The following PABPC1 variants were observed in gnomAD, a reference collection of about 807,000 sequenced individuals.
The protein encoded by PABPC1 is poly(A) binding protein cytoplasmic 1.
A neutral mutation model predicts 74.0 loss-of-function variants in PABPC1; 4 were observed. The observed-to-expected ratio is 0.05, with a 90% CI of 0.03 to 0.12. The LOEUF (loss-of-function observed/expected upper bound fraction) is 0.12. Among genes scored for constraint, PABPC1 ranks in the 10% least tolerant of loss-of-function variants. PABPC1 has a pLI of 1.00. For missense variants in PABPC1, 271 were observed against 821.1 expected, an observed-to-expected ratio of 0.33 and a Z score of 8.19; for synonymous variants, 227 against 264.1, an observed-to-expected ratio of 0.86 and a Z score of 1.36.
In PABPC1 at chr8:100,704,409, G is replaced by A. The variant is rs369570456; in HGVS notation, c.1819-19C>T. The A allele has an allele frequency of 6.3e-6, 10 of 1,583,936 alleles. No individual in the cohort carries two copies. The highest frequency in any genetic ancestry group is 1.3e-5 in the African/African-American group (1 of 74,276). ...CATCAACCTAAAAAAGGGGAAAACA[G>A]ATAAACTGGTTCAGGAAAGGAATGG... is the stretch of plus-strand genomic sequence containing the variant. On this transcript the variant is annotated intron_variant, in intron 13 of 14. Coordinates refer to ENST00000318607, the MANE Select transcript of PABPC1 (RefSeq NM_002568.4).
rs778812386 is a variant in PABPC1, at chr8:100,721,573, C to T, written c.11G>A (p.Ser4Asn). 204 of 1,579,226 alleles carry T rather than the reference C, an allele frequency of 1.3e-4. 1 individual carries two copies. The highest frequency in any genetic ancestry group is 1.7e-4 in the Non-Finnish European group (194 of 1,158,348). Residue 4 changes from serine to asparagine, a missense_variant, in exon 1 of 15, where the codon AGT becomes AAT. Transcript: ENST00000318607. The surrounding 1 kb of genome is among the most constrained non-coding windows in gnomAD (Gnocchi z 7.4). Reference protein sequence around the residue: MNPSAPSYPMASLY... With the variant: MNPNAPSYPMASLY... ...CGAGGCCATGGGGTAGCTGGGGGCA[C>T]TGGGGTTCATCTCGGCACGGCTGCC...
chr8:100,709,432 T>C (rs373990151), intron 8 of PABPC1, 27 bp downstream of exon 8: 9 of 1,588,632 alleles, frequency 5.7e-6, no homozygotes, highest in South Asian at 1.1e-5. Context: ...AAAACCTTCA[T>C]GGTTCTGGTT....
chr8:100,710,759 G>A (rs1266653759), intron 7 of PABPC1, among the ~76,000 whole-genome samples: 3 of 151,956 alleles, frequency 2.0e-5, no homozygotes, highest in Non-Finnish European at 4.4e-5. Context: ...GGCCAAGGCG[G>A]GTGGATCACC....
At chr8:100,715,169 C>A (rs959003961) in intron 4 of PABPC1, among the ~76,000 whole-genome samples, 1 of 141,828 alleles carries the variant, frequency 7.1e-6, no homozygotes, top group Non-Finnish European at 1.5e-5. Flanking sequence ...ATATATATCT[C>A]CAGCCTCTTA....
At chr8:100,715,712 A>T in intron 3 of PABPC1, 111 bp from the exon 4 acceptor site, 1 of 675,192 alleles carries the variant, frequency 1.5e-6, no homozygotes. Context: ...AGAATCCCTA[A>T]TAAAAAGCAC....
At chr8:100,706,613 G>A in intron 11 of PABPC1, 38 bp downstream of exon 11, 2 of 1,585,050 alleles carry the variant, frequency 1.3e-6, no homozygotes, top group Non-Finnish European at 1.7e-6. Context: ...TTTCACCCAA[G>A]AAATGTGATT....
chr8:100,719,191 G>A (rs1022076346), intron 1 of PABPC1, among the ~76,000 whole-genome samples: 11 of 152,122 alleles, frequency 7.2e-5, no homozygotes, highest in African/African-American at 2.4e-4. Context: ...ACTAGTCCCC[G>A]AAGAGAGGGA....
rs1040816054 is a variant in PABPC1 at position 100,721,106 on chromosome 8, C to T, written c.193+285G>A. On this transcript the variant is annotated intron_variant, in intron 1 of 14. Coordinates refer to ENST00000318607, the MANE Select transcript of PABPC1 (RefSeq NM_002568.4). The surrounding 1 kb of genome is among the most constrained non-coding windows in gnomAD (Gnocchi z 7.4). ...GGAGCGCCGCGGAGGAACCGAATCT[C>T]ACCCACCCTCCCGGCGCGTCATCAC... Among the ~76,000 whole-genome samples, 2 of 152,196 alleles carry T rather than the reference C, an allele frequency of 1.3e-5. No homozygotes were observed. Among genetic ancestry groups the T allele is most frequent in the Non-Finnish European group, 2.9e-5 (2 of 68,022 alleles).
chr8:100,711,272 G>A (rs184464051), intron 7 of PABPC1, among the ~76,000 whole-genome samples: 94 of 151,828 alleles, frequency 6.2e-4, no homozygotes, highest in Admixed American at 1.4e-3. Flanking sequence ...AGTGAGACTC[G>A]TCTTTAAAAA....
At chr8:100,708,792 C>T (rs1329666097) in intron 9 of PABPC1, among the ~76,000 whole-genome samples, 3 of 152,018 alleles carry the variant, frequency 2.0e-5, no homozygotes, top group Admixed American at 6.5e-5. Flanking sequence ...AGGGAGAAAT[C>T]GCTTGAACCT....
At chr8:100,713,055 C>G in intron 5 of PABPC1, 32 bp downstream of exon 5, 1 of 1,438,254 alleles carries the variant, frequency 7.0e-7, no homozygotes, top group Non-Finnish European at 9.6e-7. Context: ...AACTTTGTAC[C>G]CCCTTCTTCC....
At chr8:100,716,012 C>A (rs772141319) in intron 3 of PABPC1, among the ~76,000 whole-genome samples, 1 of 152,230 alleles carries the variant, frequency 6.6e-6, no homozygotes, top group Non-Finnish European at 1.5e-5. Flanking sequence ...ACTTCCCAAT[C>A]GTGTACTCTA....
chr8:100,704,509 A>C (rs1810330885), intron 13 of PABPC1, 119 bp from the exon 14 acceptor site: 1 of 857,748 alleles, frequency 1.2e-6, no homozygotes. Flanking sequence ...GAAAGTATAA[A>C]TTGTTACACT....
Position 100,709,243 on chromosome 8 carries a change from A to G in PABPC1, c.1246-20T>C, listed in dbSNP as rs374647362. 6.2e-7 allele frequency: 1 copy of G among 1,602,798 alleles called. No homozygotes were observed. On this transcript the variant is annotated intron_variant, in intron 8 of 14. Coordinates refer to ENST00000318607, the MANE Select transcript of PABPC1 (RefSeq NM_002568.4). ...CTGAGTCTGCAGGGAAAAAAAGCAC[A>G]TGAGTTTATCAGTTGAAGAAAAAAG...
rs1011413190 is a variant in PABPC1, at chr8:100,721,300, C to A, written c.193+91G>T. The A allele has an allele frequency of 7.5e-6, 4 of 536,514 alleles. No individual in the cohort carries two copies. The highest frequency in any genetic ancestry group is 1.0e-5 in the Non-Finnish European group (4 of 400,314). 33.2% of individuals were successfully genotyped at this position (536,514 alleles called of 1,614,324 possible). ...GGGTGACATGCCCTCCCGCCCCCCT[C>A]CCCGGGCCCGCCGGCCTACCCCGCC... is the stretch of plus-strand genomic sequence containing the variant. On this transcript the variant is annotated intron_variant, in intron 1 of 14. Transcript: ENST00000318607. The surrounding 1 kb of genome is among the most constrained non-coding windows in gnomAD (Gnocchi z 7.4).
In PABPC1 at chr8:100,709,677, G is replaced by C; in HGVS notation, c.1027C>G (p.Pro343Ala). The C allele has an allele frequency of 6.2e-7, 1 of 1,613,852 alleles. No homozygotes were observed. The highest frequency in any genetic ancestry group is 8.5e-7 in the Non-Finnish European group (1 of 1,180,002). The change falls in exon 8 of 15, where the codon CCA (proline) becomes GCA (alanine). Residue 343 changes from proline (P) to alanine (A), a missense_variant. By Grantham distance (27) the Pro-to-Ala change is conservative. This residue lies in a region of PABPC1 where 7 missense variants were observed against 71.8 expected (regional missense o/e 0.10). Coordinates refer to ENST00000318607, the MANE Select transcript of PABPC1 (RefSeq NM_002568.4). ...KGFGFVCFSS[P>A]EEATKAVTEM... ...GTAACTGCTTTAGTGGCTTCTTCTG[G>C]GGAGGAGAAACATACAAAACCAAAC...
At position 100,706,785 on chromosome 8, in the gene PABPC1, T is replaced by C. The variant is rs769236403; in HGVS notation, c.1468A>G (p.Met490Val). 1.5e-5 allele frequency: 25 copies of C among 1,613,884 alleles called. No homozygotes were observed. The highest frequency in any genetic ancestry group is 3.3e-4 in the Middle Eastern group (2 of 6,084). The part of the protein sequence containing the change: ...QRVANTSTQT[M>V]GPRPAAAAAA... The stretch of plus-strand genomic sequence containing the variant: ...GCTGCAGCTGCAGGACGTGGACCCA[T>C]TGTCTGTGTTGATGTGTTAGCTAAA... Residue 490 changes from methionine to valine, a missense_variant, in exon 11 of 15, where the codon ATG (methionine) becomes GTG (valine). Physicochemically the swap from Met to Val is conservative, Grantham distance 21. This residue lies in a region of PABPC1 where 103 missense variants were observed against 245.3 expected (regional missense o/e 0.42). Transcript: ENST00000318607.
At chr8:100,711,192 A>G (rs561848023) in intron 7 of PABPC1, among the ~76,000 whole-genome samples, 2 of 152,274 alleles carry the variant, frequency 1.3e-5, no homozygotes, top group Admixed American at 1.3e-4. Flanking sequence ...AGGCAGGAGA[A>G]TCGCTTGAAC....
chr8:100,719,996 C>G (rs1363763981), intron 1 of PABPC1, among the ~76,000 whole-genome samples: 3 of 152,216 alleles, frequency 2.0e-5, no homozygotes, highest in Non-Finnish European at 4.4e-5. Flanking sequence ...ATTCTGCTTC[C>G]AAAATCAGTA....
Sources: gnomAD v4.1 joint callset for allele counts (sites outside exome capture counted in the v4.1 genomes callset) on GRCh38, gnomAD v4.1.1 for gene constraint, gnomAD v4.1.1 regional missense constraint, Gnocchi (gnomAD v3.1) non-coding constraint, MANE v1.5 for transcripts, NCBI Gene and HGNC (gene_info 2026-07-23, HGNC 2026-07-21) for gene names.